The following TBC1D12 variants were observed in gnomAD, a reference collection of about 807,000 sequenced individuals.
The protein encoded by TBC1D12 is TBC1 domain family member 12, also known as TBC1 domain family, member 12.
Under a neutral mutation model 86.7 loss-of-function variants are expected in TBC1D12, and 56 were observed. The ratio of observed to expected loss-of-function variants is 0.65; its 90% CI spans 0.52 to 0.81. The LOEUF is 0.81. Ranked by LOEUF, TBC1D12 falls within the 30% of genes least tolerant of loss-of-function variation. The pLI is 0.00. For missense variants in TBC1D12, 1,023 were observed against 1,038.8 expected (o/e 0.98, Z 0.21); for synonymous variants, 421 against 411.7 (o/e 1.02, Z -0.27).
rs754978928 is a variant in TBC1D12 at position 94,500,272 on chromosome 10, T to C, written c.1464T>C (p.Ser488=). 9 of 1,614,080 alleles carry C rather than the reference T, an allele frequency of 5.6e-6. No homozygotes were observed. The highest frequency in any genetic ancestry group is 3.3e-5 in the South Asian group (3 of 91,050). ...TGTGGTGGCAGGGATTGCCCCCTAG[T>C]GTCCGTGGGAAAGTTTGGAGTCTAG... ...RELWWQGLPP[S]VRGKVWSLAV... is the part of the protein sequence containing the mutation. The change falls in exon 6 of 13, where the codon AGT becomes AGC. Residue 488 remains serine (S), a synonymous_variant. Transcript: ENST00000225235.
intron 3 of TBC1D12, among the ~76,000 whole-genome samples, chr10:94,475,885 TG>T (rs1207245592): frequency 6.6e-6 from 1 of 152,180 alleles, no homozygotes; most frequent in African/African-American, 2.4e-5. Context: ...TTGGGTTCTC[TG>T]GATCAATTCT....
intron 1 of TBC1D12, among the ~76,000 whole-genome samples, chr10:94,414,045 A>G (rs1353069110): frequency 6.6e-6 from 1 of 152,186 alleles, no homozygotes; most frequent in African/African-American, 2.4e-5. Context: ...AATTCATTCA[A>G]ATACTATAAT....
chr10:94,425,570 A>C (rs2055135100), intron 1 of TBC1D12, among the ~76,000 whole-genome samples: 1 of 152,060 alleles, frequency 6.6e-6, no homozygotes, highest in Non-Finnish European at 1.5e-5. Context: ...AATGCAGTGG[A>C]GACATCATAG....
At chr10:94,514,647 T>A (rs2056567096) in intron 9 of TBC1D12, among the ~76,000 whole-genome samples, 1 of 152,192 alleles carries the variant, frequency 6.6e-6, no homozygotes, top group Admixed American at 6.5e-5. Flanking sequence ...ATACACACAC[T>A]CTCTCATCCC....
chr10:94,442,928 C>T lies in TBC1D12; in HGVS notation c.1095+909C>T, dbSNP rs148775588. Among the ~76,000 whole-genome samples the T allele has an allele frequency of 2.7e-4, 41 of 152,230 alleles. No homozygotes were observed. The East Asian group carries it at 6.4e-3, about 24-fold the overall frequency. On this transcript the variant is annotated intron_variant, in intron 2 of 12. Transcript: ENST00000225235. ...GAAAATAATTTTAGATCTTTAAAAACATTATTGTAGTTAATTCTTTTTTTC... is the reference window on the plus strand; with the variant it reads ...GAAAATAATTTTAGATCTTTAAAAATATTATTGTAGTTAATTCTTTTTTTC...
At chr10:94,486,046 C>CA (rs200585080) in intron 3 of TBC1D12, among the ~76,000 whole-genome samples, 2 of 150,476 alleles carry the variant, frequency 1.3e-5, no homozygotes, top group Non-Finnish European at 3.0e-5. Context: ...TTTTTCTTTT[C>CA]AAAAAAACCA....
rs769340233 is a variant in TBC1D12 at position 94,493,448 on chromosome 10, G to A, written c.1294+1G>A. On this transcript the variant is annotated splice_donor_variant, in intron 4 of 12. Coordinates refer to ENST00000225235, the MANE Select transcript of TBC1D12 (RefSeq NM_015188.2). LOFTEE classifies it high-confidence loss of function. ...ATGGTGGCTGAGGCTAAAAAACGAGGTATAAAATTTAACTCCAAATGGTAT... is the reference window on the plus strand; with the variant it reads ...ATGGTGGCTGAGGCTAAAAAACGAGATATAAAATTTAACTCCAAATGGTAT... 1.2e-6 allele frequency: 2 copies of A among 1,606,926 alleles called. No individual in the cohort carries two copies. The highest frequency in any genetic ancestry group is 2.2e-5 in the East Asian group (1 of 44,792).
At chr10:94,491,318 A>G (rs1216134079) in intron 3 of TBC1D12, among the ~76,000 whole-genome samples, 3 of 152,200 alleles carry the variant, frequency 2.0e-5, no homozygotes, top group Non-Finnish European at 4.4e-5. Flanking sequence ...AGAATTTATA[A>G]TTTGAAAATT....
intron 11 of TBC1D12, among the ~76,000 whole-genome samples, chr10:94,529,554 G>T (rs1475708025): frequency 6.6e-6 from 1 of 152,300 alleles, no homozygotes; most frequent in East Asian, 1.9e-4. Flanking sequence ...GGAGGTGGAG[G>T]TTGCGGTGAG....
At chr10:94,417,668 TATC>T (rs1366629363) in intron 1 of TBC1D12, among the ~76,000 whole-genome samples, 17 of 152,244 alleles carry the variant, frequency 1.1e-4, no homozygotes, top group African/African-American at 3.9e-4. Context: ...ACAGTATACT[TATC>T]AGCCATTTTT....
intron 11 of TBC1D12, among the ~76,000 whole-genome samples, chr10:94,526,375 GC>G (rs1431918229): frequency 6.6e-6 from 1 of 151,424 alleles, no homozygotes; most frequent in Non-Finnish European, 1.5e-5. Flanking sequence ...GCTCAAGTGA[GC>G]TGATATTGTA....
chr10:94,458,329 C>T (rs754056070), intron 2 of TBC1D12, among the ~76,000 whole-genome samples: 7 of 152,168 alleles, frequency 4.6e-5, no homozygotes, highest in Non-Finnish European at 8.8e-5. Flanking sequence ...TTCTATAGAG[C>T]GTCCCCATCA....
At chr10:94,511,317 C>T (rs1414229036) in intron 8 of TBC1D12, among the ~76,000 whole-genome samples, 3 of 151,890 alleles carry the variant, frequency 2.0e-5, no homozygotes, top group Non-Finnish European at 4.4e-5. Context: ...AAGCTGGTCT[C>T]AAACTCCTGG....
chr10:94,402,788 G>C lies in TBC1D12; in HGVS notation c.175G>C (p.Asp59His). Reference protein sequence around the residue: ...PEEADEEEEADEEEETPPRQL... With the variant: ...PEEADEEEEAHEEEETPPRQL... ...GGAGGCTGACGAGGAGGAGGAGGCT[G>C]ACGAGGAGGAGGAGACGCCGCCTCG... Residue 59 changes from aspartate to histidine, a missense_variant, in exon 1 of 13, where the codon GAC becomes CAC. Asp to His is a moderately conservative substitution (Grantham distance 81). This residue lies in a region of TBC1D12 where 628 missense variants were observed against 531.1 expected (regional missense o/e 1.18). Coordinates refer to ENST00000225235, the MANE Select transcript of TBC1D12 (RefSeq NM_015188.2). 6.5e-7 allele frequency: 1 copy of C among 1,538,966 alleles called. No homozygotes were observed. Among genetic ancestry groups the C allele is most frequent in the Non-Finnish European group, 8.8e-7 (1 of 1,140,980 alleles).
At position 94,488,917 on chromosome 10, in the gene TBC1D12, G is replaced by C. The variant is rs553625587; in HGVS notation, c.1212-4448G>C. On this transcript the variant is annotated intron_variant, in intron 3 of 12. Transcript: ENST00000225235. ...TTACCCTTCTTTCTCCTCTCCTCAA[G>C]TGGAAGAAGAAAGGAGTTACTTTAG... Among the ~76,000 whole-genome samples, 10 of 152,200 alleles carry C rather than the reference G, an allele frequency of 6.6e-5. No individual in the cohort carries two copies. In the South Asian group the frequency reaches 2.1e-3, roughly 32 times the overall value.
chr10:94,402,918 C>T lies in TBC1D12; in HGVS notation c.305C>T (p.Ala102Val), dbSNP rs1404731425. The change falls in exon 1 of 13, where the codon GCA becomes GTA. Residue 102 changes from alanine (A) to valine (V), a missense_variant. Transcript: ENST00000225235. ...CAGGCCGGCGCCCCGCCGCCCTCGG[C>T]AGCCCCACGATCGGACGCCTGCCTG... ...AGQAGAPPPS[A>V]APRSDACLLG... The T allele has an allele frequency of 6.6e-6, 10 of 1,517,626 alleles. No homozygotes were observed. The highest frequency in any genetic ancestry group is 7.9e-6 in the Non-Finnish European group (9 of 1,138,530). The allele number at this position is 1,517,626 out of a possible 1,614,324, so 94.0% of individuals were successfully genotyped here.
intron 1 of TBC1D12, among the ~76,000 whole-genome samples, chr10:94,424,175 A>G (rs1403177887): frequency 1.3e-5 from 2 of 152,154 alleles, no homozygotes; most frequent in Non-Finnish European, 2.9e-5. Context: ...AAGTCCTGGA[A>G]TCAGTCCCCC....
chr10:94,451,239 C>T (rs1345542013), intron 2 of TBC1D12, among the ~76,000 whole-genome samples: 2 of 151,808 alleles, frequency 1.3e-5, no homozygotes, highest in African/African-American at 2.4e-5. Context: ...TGGTAATTAC[C>T]CTGGTCTGAT....
chr10:94,496,412 C>A (rs1177693244), intron 4 of TBC1D12, among the ~76,000 whole-genome samples: 1 of 151,948 alleles, frequency 6.6e-6, no homozygotes, highest in African/African-American at 2.4e-5. Context: ...AAATTTCAAA[C>A]TAGTAAAGTG....
Sources: gnomAD v4.1 joint callset for allele counts (sites outside exome capture counted in the v4.1 genomes callset) on GRCh38, gnomAD v4.1.1 for gene constraint, gnomAD v4.1.1 regional missense constraint, MANE v1.5 for transcripts, NCBI Gene and HGNC (gene_info 2026-07-23, HGNC 2026-07-21) for gene names.